The following PCP2 variants were observed in gnomAD, a reference collection of about 807,000 sequenced individuals.
PCP2 encodes Purkinje cell protein 2, also known as Purkinje cell protein 2 homolog.
PCP2 carries 21 observed loss-of-function variants against 18.3 expected under a neutral mutation model. The ratio of observed to expected loss-of-function variants is 1.14; its 90% CI spans 0.81 to 1.65. PCP2 has a LOEUF of 1.65. PCP2 is among the 40% of genes most tolerant of loss of function. PCP2 has a pLI of 0.00. For synonymous variants in PCP2, 85 were observed against 77.6 expected, an observed-to-expected ratio of 1.10 and a Z score of -0.50; for missense variants, 202 against 201.8, an observed-to-expected ratio of 1.00 and a Z score of 0.00.
chr19:7,633,290 TG>T, intron 1 of PCP2, 116 bp downstream of exon 1: 3 of 1,074,792 alleles, frequency 2.8e-6, no homozygotes, highest in Non-Finnish European at 4.1e-6. Context: ...CAGCCACAAC[TG>T]GGTCAGGGGG....
chr19:7,632,875 G>A lies in PCP2; in HGVS notation c.52-45C>T. 1 of 1,533,728 alleles carries A rather than the reference G, an allele frequency of 6.5e-7. No individual in the cohort carries two copies. The highest frequency in any genetic ancestry group is 8.8e-7 in the Non-Finnish European group (1 of 1,142,486). Reference sequence around the variant, plus strand: ...GTCTGGTTGGCCCTTCAGCTTGGGGGCCCCTCCCCAAACTTCCTAGCCAGC... The same window carrying A: ...GTCTGGTTGGCCCTTCAGCTTGGGGACCCCTCCCCAAACTTCCTAGCCAGC... On this transcript the variant is annotated intron_variant, in intron 1 of 3. Coordinates refer to ENST00000311069, the MANE Select transcript of PCP2 (RefSeq NM_174895.3). This position sits in a 1 kb window ranked among gnomAD's most constrained non-coding sequence, Gnocchi z 5.2.
At chr19:7,636,445 A>G (rs1446347625), upstream of PCP2, 1 of 152,204 alleles carries the variant, frequency 6.6e-6, no homozygotes, top group East Asian at 1.9e-4. Flanking sequence ...TTGTTGGTCC[A>G]CGAGGGTAAG....
At chr19:7,634,315 G>A (rs1327644472), upstream of PCP2, among the ~76,000 whole-genome samples, 4 of 152,120 alleles carry the variant, frequency 2.6e-5, no homozygotes, top group Non-Finnish European at 4.4e-5. Flanking sequence ...CCCTCCCCAA[G>A]ACGCCTTTAC....
At chr19:7,635,276 AAATGTTCTAAAATGGATTGTGGT>A (rs1194661244), upstream of PCP2, among the ~76,000 whole-genome samples, 26 of 152,330 alleles carry the variant, frequency 1.7e-4, no homozygotes, top group African/African-American at 6.3e-4. Context: ...GGGGTTGTGG[AAATGTTCTAAAATGGATTGTGGT>A]AATGGACACA....
upstream of PCP2, among the ~76,000 whole-genome samples, chr19:7,635,791 C>T (rs2031506172): frequency 1.3e-5 from 2 of 152,186 alleles, no homozygotes; most frequent in South Asian, 4.1e-4. Context: ...CAAACTCCTA[C>T]CTACGGTTGC....
rs1021121878 is a variant in PCP2 at position 7,633,654 on chromosome 19, C to T, written c.-197G>A. On this transcript the variant is annotated 5_prime_UTR_variant, in exon 1 of 4. Transcript: ENST00000311069. ...TTGTTTGCCCACAACGATGCTGGAT[C>T]TGGCATGGTGGGTAGGGGGCAGGGC... The T allele has an allele frequency of 4.8e-5, 29 of 604,436 alleles. No individual in the cohort carries two copies. The highest frequency in any genetic ancestry group is 3.7e-5 in the Non-Finnish European group (13 of 347,254). The allele number at this position is 604,436 out of a possible 1,614,324, so 37.4% of individuals were successfully genotyped here.
Position 7,633,502 on chromosome 19 carries a change from C to T in PCP2, c.-45G>A. 6.4e-7 allele frequency: 1 copy of T among 1,550,648 alleles called. No homozygotes were observed. The highest frequency in any genetic ancestry group is 1.4e-5 in the African/African-American group (1 of 73,410). ...TTTTCTGCTGGCCTCTGCCCCGGCCCAGTGCCAGAGAGGGCCTTTTAAACG... is the reference window on the plus strand; with the variant it reads ...TTTTCTGCTGGCCTCTGCCCCGGCCTAGTGCCAGAGAGGGCCTTTTAAACG... On this transcript the variant is annotated 5_prime_UTR_variant, in exon 1 of 4. An upstream open reading frame in the 5' UTR gains an earlier in-frame stop. Coordinates refer to ENST00000311069, the MANE Select transcript of PCP2 (RefSeq NM_174895.3).
At position 7,632,926 on chromosome 19, in the gene PCP2, TGCC is replaced by T. The variant is rs1208721756; in HGVS notation, c.52-99_52-97del. The T allele has an allele frequency of 6.7e-7, 1 of 1,495,704 alleles. No homozygotes were observed. Among genetic ancestry groups the T allele is most frequent in the Non-Finnish European group, 8.9e-7 (1 of 1,124,746 alleles). The allele number at this position is 1,495,704 out of a possible 1,614,324, so 92.7% of individuals were successfully genotyped here. On this transcript the variant is annotated intron_variant, in intron 1 of 3. Coordinates refer to ENST00000311069, the MANE Select transcript of PCP2 (RefSeq NM_174895.3). The surrounding 1 kb of genome is among the most constrained non-coding windows in gnomAD (Gnocchi z 5.2). ...TTGCTCACACCCTGACCCCGGGGCC[TGCC>T]GTCCCCACTTCCTCAGCTCTCACCA...
upstream of PCP2, among the ~76,000 whole-genome samples, chr19:7,635,145 T>TC (rs937006305): frequency 6.6e-6 from 1 of 152,152 alleles, no homozygotes; most frequent in South Asian, 2.1e-4. Context: ...CAGCTCTCTG[T>TC]CCCCCCAAGG....
At chr19:7,634,749 T>C (rs375425057), upstream of PCP2, among the ~76,000 whole-genome samples, 30 of 152,314 alleles carry the variant, frequency 2.0e-4, no homozygotes, top group East Asian at 4.8e-3. Context: ...GGCAGAGCTG[T>C]GCTCCCTCTG....
Position 7,633,439 on chromosome 19 carries a change from TCTC to T in PCP2, c.16_18del (p.Glu6del), listed in dbSNP as rs976485849. Reference sequence around the variant, plus strand: ...CAGGGGCCTGAGCCTTCCTCCGTCTTCTCCTCCTGATCCATCATGTCCCTGGAC... The same window carrying T: ...CAGGGGCCTGAGCCTTCCTCCGTCTTCTCCTGATCCATCATGTCCCTGGAC... On this transcript the variant is annotated inframe_deletion, in exon 1 of 4. Transcript: ENST00000311069. 59 of 1,576,230 alleles carry T rather than the reference TCTC, an allele frequency of 3.7e-5. No individual in the cohort carries two copies. Among genetic ancestry groups the T allele is most frequent in the African/African-American group, 1.1e-4 (8 of 73,804 alleles).
intron 1 of PCP2, 70 bp downstream of exon 1, chr19:7,633,337 A>G: frequency 8.7e-7 from 1 of 1,155,618 alleles, no homozygotes; most frequent in Non-Finnish European, 1.2e-6. Context: ...GGTGCCCTAC[A>G]AACTAGTCTT....
chr19:7,636,979 C>G (rs2031559529), upstream of PCP2: 2 of 695,542 alleles, frequency 2.9e-6, no homozygotes, highest in Non-Finnish European at 4.0e-6. Context: ...CCCGTCCTCC[C>G]CGCCAGGGAC....
chr19:7,635,198 C>G (rs1641981525), upstream of PCP2, among the ~76,000 whole-genome samples: 1 of 152,158 alleles, frequency 6.6e-6, no homozygotes, highest in Non-Finnish European at 1.5e-5. Flanking sequence ...TTCCATCCCC[C>G]CAGGATCTGG....
In PCP2 at chr19:7,633,434, CG is replaced by C. The variant is rs752842828; in HGVS notation, c.23del (p.Thr8ArgfsTer23). 22 of 1,576,230 alleles carry C rather than the reference CG, an allele frequency of 1.4e-5. No homozygotes were observed. MMDQEEK[T>X]EEGSGPCAEA... ...CGGCACAGGGGCCTGAGCCTTCCTC[CG>C]TCTTCTCCTCCTGATCCATCATGTC... is the stretch of plus-strand genomic sequence containing the variant. On this transcript the variant is annotated frameshift_variant, in exon 1 of 4. Coordinates refer to ENST00000311069, the MANE Select transcript of PCP2 (RefSeq NM_174895.3). LOFTEE classifies it high-confidence loss of function.
rs748989707 is a variant in PCP2, at chr19:7,631,708, G to C, written c.392C>G (p.Pro131Arg). The change falls in exon 4 of 4, where the codon CCC becomes CGC. Residue 131 changes from proline to arginine, a missense_variant. Pro to Arg is a moderately radical substitution (Grantham distance 103). Transcript: ENST00000311069. ...AGGCCCTCAGGGGGCTTGTGTCGGGGGCTGGGGGCTGCTGTTCCGACGGAA... is the reference window on the plus strand; with the variant it reads ...AGGCCCTCAGGGGGCTTGTGTCGGGCGCTGGGGGCTGCTGTTCCGACGGAA... ...LGFRRNSSPQ[P>R]PTQAP 62 of 1,453,318 alleles carry C rather than the reference G, an allele frequency of 4.3e-5. No homozygotes were observed. The East Asian group carries it at 1.1e-3, about 26-fold the overall frequency. 90.0% of individuals were successfully genotyped at this position (1,453,318 alleles called of 1,614,324 possible).
rs752024447 is a variant in PCP2, at chr19:7,631,685, G to T, written c.*4C>A. ...CCGAGTGAGACCCAGGATGCCTCAG[G>T]CCCTCAGGGGGCTTGTGTCGGGGGC... On this transcript the variant is annotated 3_prime_UTR_variant, in exon 4 of 4. Coordinates refer to ENST00000311069, the MANE Select transcript of PCP2 (RefSeq NM_174895.3). The T allele has an allele frequency of 6.9e-7, 1 of 1,458,422 alleles. No homozygotes were observed. The highest frequency in any genetic ancestry group is 2.4e-5 in the Admixed American group (1 of 41,884). 90.3% of individuals were successfully genotyped at this position (1,458,422 alleles called of 1,614,324 possible). A position where few individuals can be genotyped will look rare whatever the true frequency, so the allele number is the denominator to read the frequency against.
At chr19:7,633,304 C>T in intron 1 of PCP2, 103 bp downstream of exon 1, 1 of 1,202,482 alleles carries the variant, frequency 8.3e-7, no homozygotes, top group Non-Finnish European at 1.2e-6. Context: ...TCAGGGGGTC[C>T]TAGGAGACTC....
rs1269710016 is a variant in PCP2, at chr19:7,631,663, A to T, written c.*26T>A. On this transcript the variant is annotated 3_prime_UTR_variant, in exon 4 of 4. Transcript: ENST00000311069. Reference sequence around the variant, plus strand: ...TTCTTTTATCAGTTTTTGGGGGCCGAGTGAGACCCAGGATGCCTCAGGCCC... The same window carrying T: ...TTCTTTTATCAGTTTTTGGGGGCCGTGTGAGACCCAGGATGCCTCAGGCCC... 1 of 1,466,154 alleles carries T rather than the reference A, an allele frequency of 6.8e-7. No homozygotes were observed. Among genetic ancestry groups the T allele is most frequent in the Non-Finnish European group, 9.0e-7 (1 of 1,107,900 alleles). The allele number at this position is 1,466,154 out of a possible 1,614,324, so 90.8% of individuals were successfully genotyped here. A position where few individuals can be genotyped will look rare whatever the true frequency, so the allele number is the denominator to read the frequency against.
Sources: allele counts gnomAD v4.1 joint callset (sites outside exome capture counted in the v4.1 genomes callset), GRCh38; gene constraint gnomAD v4.1.1; non-coding constraint Gnocchi (gnomAD v3.1); transcripts MANE v1.5; gene names NCBI Gene and HGNC (gene_info 2026-07-23, HGNC 2026-07-21).